The following DIAPH2 variants were observed in gnomAD, a reference collection of about 807,000 sequenced individuals.
DIAPH2 encodes protein diaphanous homolog 2.
A neutral mutation model predicts 92.7 loss-of-function variants in DIAPH2; 35 were observed. The ratio of observed to expected loss-of-function variants is 0.38; its 90% CI spans 0.29 to 0.50. DIAPH2 has a LOEUF of 0.50. DIAPH2 is among the 20% of genes least tolerant of loss of function. DIAPH2 has a pLI of 0.94. For synonymous variants in DIAPH2, 301 were observed against 280.4 expected (o/e 1.07, Z -0.73); for missense variants, 701 against 819.5 (o/e 0.86, Z 1.77).
chrX:97,011,626 G>A (rs1299344399), intron 17 of DIAPH2, among the ~76,000 whole-genome samples: 1 of 111,136 alleles, frequency 9.0e-6, no homozygotes, highest in African/African-American at 3.3e-5. Context: ...AGTGGCACAT[G>A]CCTGTAATCC....
chrX:97,449,570 C>A, intron 26 of DIAPH2: 2 of 408,211 alleles, frequency 4.9e-6, no homozygotes, highest in Non-Finnish European at 6.2e-6. Context: ...GATGGTCATT[C>A]AAAGGGAAGA....
At chrX:96,709,520 A>G (rs1201195297) in intron 1 of DIAPH2, among the ~76,000 whole-genome samples, 1 of 112,014 alleles carries the variant, frequency 8.9e-6, no homozygotes, top group Non-Finnish European at 1.9e-5. Context: ...GAAACTACAT[A>G]TAGTAGAGAA....
intron 26 of DIAPH2, among the ~76,000 whole-genome samples, chrX:97,455,313 G>A (rs777432687): frequency 1.8e-5 from 2 of 111,705 alleles, no homozygotes; most frequent in African/African-American, 3.3e-5. Context: ...TATTTGTTGA[G>A]GCATTATTCT....
chrX:97,297,604 C>CTTTTT (rs11356320), intron 23 of DIAPH2, among the ~76,000 whole-genome samples: 26 of 72,918 alleles, frequency 3.6e-4, no homozygotes, highest in Admixed American at 2.6e-3. Context: ...TTTTAGTGCA[C>CTTTTT]TTTTTTTTTT....
At position 97,114,898 on chromosome X, in the gene DIAPH2, G is replaced by C; in HGVS notation, c.2522G>C (p.Gly841Ala). 8.3e-7 allele frequency: 1 copy of C among 1,207,280 alleles called. No homozygotes were observed. Among genetic ancestry groups the C allele is most frequent in the Non-Finnish European group, 1.1e-6 (1 of 892,542 alleles). ...CTTTTAGAGTTAGTTCTTCTTGTTG[G>C]AAACTACATGAACTCAGGCTCAAGA... The part of the protein sequence containing the change: ...NRLLELVLLV[G>A]NYMNSGSRNA... The change falls in exon 21 of 27, where the codon GGA becomes GCA. Residue 841 changes from glycine (G) to alanine (A), a missense_variant. Gly to Ala is a moderately conservative substitution (Grantham distance 60, BLOSUM62 0). Transcript: ENST00000324765.
At chrX:97,351,759 C>T (rs768080106) in intron 24 of DIAPH2, among the ~76,000 whole-genome samples, 4 of 110,779 alleles carry the variant, frequency 3.6e-5, no homozygotes, top group African/African-American at 9.8e-5. Flanking sequence ...GCCAAGATCA[C>T]GCCACTGTAC....
At chrX:97,081,490 T>C (rs1465578872) in intron 19 of DIAPH2, among the ~76,000 whole-genome samples, 1 of 112,438 alleles carries the variant, frequency 8.9e-6, no homozygotes, top group Non-Finnish European at 1.9e-5. Flanking sequence ...TTTCTTGTAC[T>C]AATTGGATTG....
At chrX:96,722,078 G>A (rs994533336) in intron 1 of DIAPH2, among the ~76,000 whole-genome samples, 1 of 111,391 alleles carries the variant, frequency 9.0e-6, no homozygotes, top group East Asian at 2.8e-4. Context: ...ACTCTTGGCC[G>A]GGCACAGTGG....
chrX:97,299,538 G>C (rs1041627537), intron 23 of DIAPH2, among the ~76,000 whole-genome samples: 1 of 111,897 alleles, frequency 8.9e-6, no homozygotes, highest in Non-Finnish European at 1.9e-5. Context: ...TCATTTTTGA[G>C]ATACTGCGAG....
chrX:97,454,780 GAGAGGCGGAGGTTGC>G (rs1256967801), intron 26 of DIAPH2, among the ~76,000 whole-genome samples: 3 of 109,865 alleles, frequency 2.7e-5, no homozygotes, highest in Non-Finnish European at 5.7e-5. Flanking sequence ...GCTTGAACCT[GAGAGGCGGAGGTTGC>G]AGTGAGCCAA....
At chrX:97,011,246 T>A (rs915537603) in intron 17 of DIAPH2, among the ~76,000 whole-genome samples, 2 of 112,380 alleles carry the variant, frequency 1.8e-5, no homozygotes, top group Non-Finnish European at 3.8e-5. Flanking sequence ...GAAGCCCAGT[T>A]ACTTCATAGT....
chrX:97,341,762 T>C lies in DIAPH2; in HGVS notation c.2845-6354T>C, dbSNP rs1381060237. 3.6e-5 allele frequency among the ~76,000 whole-genome samples: 4 copies of C among 111,365 alleles called. No homozygotes were observed. In the South Asian group the frequency reaches 1.5e-3, roughly 43 times the overall value. On this transcript the variant is annotated intron_variant, in intron 23 of 26. Transcript: ENST00000324765. ...CAGCTCCAGAAGAGAGAGAGAGCATTCACCCTTCTCCACTTTGGTGTTTTA... is the reference window on the plus strand; with the variant it reads ...CAGCTCCAGAAGAGAGAGAGAGCATCCACCCTTCTCCACTTTGGTGTTTTA...
chrX:97,314,416 A>T (rs766481225), intron 23 of DIAPH2, among the ~76,000 whole-genome samples: 2 of 110,820 alleles, frequency 1.8e-5, no homozygotes, highest in Admixed American at 9.7e-5. Flanking sequence ...CTGTCTCAAA[A>T]AATAATAATA....
intron 26 of DIAPH2, among the ~76,000 whole-genome samples, chrX:97,433,326 C>G (rs955514921): frequency 1.8e-5 from 2 of 110,244 alleles, no homozygotes; most frequent in African/African-American, 6.6e-5. Context: ...GCCTGGACAA[C>G]ATAGCAAAAC....
intron 5 of DIAPH2, among the ~76,000 whole-genome samples, chrX:96,886,116 C>A (rs1295740796): frequency 1.8e-5 from 2 of 109,395 alleles, no homozygotes; most frequent in Non-Finnish European, 3.8e-5. Flanking sequence ...ATATAAAATA[C>A]CCAGAACATA....
At chrX:97,277,295 G>A (rs928290381) in intron 23 of DIAPH2, among the ~76,000 whole-genome samples, 6 of 111,204 alleles carry the variant, frequency 5.4e-5, no homozygotes, top group African/African-American at 6.5e-5. Context: ...CAGAGATTGC[G>A]CCACTACACT....
chrX:96,966,021 C>A (rs769777272), intron 17 of DIAPH2, among the ~76,000 whole-genome samples: 1 of 111,548 alleles, frequency 9.0e-6, no homozygotes, highest in South Asian at 3.7e-4. Context: ...CTTTATCATT[C>A]ATTTGTCTGA....
At chrX:97,314,009 C>T (rs750570564) in intron 23 of DIAPH2, among the ~76,000 whole-genome samples, 2 of 110,947 alleles carry the variant, frequency 1.8e-5, no homozygotes, top group Non-Finnish European at 3.8e-5. Flanking sequence ...CCAAGTTGAA[C>T]AACATTATAT....
At chrX:97,498,870 G>A (rs1233604011) in intron 26 of DIAPH2, among the ~76,000 whole-genome samples, 2 of 111,612 alleles carry the variant, frequency 1.8e-5, no homozygotes, top group African/African-American at 6.5e-5. Flanking sequence ...GATTGTCTGA[G>A]GATCAAAGCA....
Sources: gnomAD v4.1 joint callset for allele counts (sites outside exome capture counted in the v4.1 genomes callset) on GRCh38, gnomAD v4.1.1 for gene constraint, MANE v1.5 for transcripts, NCBI Gene and HGNC (gene_info 2026-07-23, HGNC 2026-07-21) for gene names.